Variants in REST observed in about 807,000 individuals in gnomAD.
The protein encoded by REST is RE1-silencing transcription factor.
A neutral mutation model predicts 30.4 loss-of-function variants in REST; 1 was observed. The observed-to-expected ratio is 0.03, with a 90% CI of 0.01 to 0.16. REST has a LOEUF of 0.16. REST is among the 10% of genes least tolerant of loss of function. REST has a pLI of 1.00. For synonymous variants in REST, 504 were observed against 451.1 expected (o/e 1.12, Z -1.49); for missense variants, 1,259 against 1,329.5 (o/e 0.95, Z 0.82).
rs374825536 is a variant in REST at position 56,931,611 on chromosome 4, A to G, written c.2753A>G (p.His918Arg). 4 of 1,614,258 alleles carry G rather than the reference A, an allele frequency of 2.5e-6. No homozygotes were observed. Among genetic ancestry groups the G allele is most frequent in the Non-Finnish European group, 3.4e-6 (4 of 1,180,040 alleles). Reference sequence around the variant, plus strand: ...GCTGCTAATATCAACGAATCTACCCATATTTCATCCTCTGGACAAAACTTG... The same window carrying G: ...GCTGCTAATATCAACGAATCTACCCGTATTTCATCCTCTGGACAAAACTTG... Reference protein sequence around the residue: ...GLAANINESTHISSSGQNLNT... With the variant: ...GLAANINESTRISSSGQNLNT... The change falls in exon 4 of 4, where the codon CAT becomes CGT. Residue 918 changes from histidine to arginine, a missense_variant. Around this residue, in one of 5 missense-constraint regions of REST, gnomAD observed 856 missense variants for 772.8 expected, o/e 1.11. Coordinates refer to ENST00000309042, the MANE Select transcript of REST (RefSeq NM_005612.5).
chr4:56,918,227 C>G lies in REST; in HGVS notation c.899-1560C>G, dbSNP rs568228778. On this transcript the variant is annotated intron_variant, in intron 2 of 3. Coordinates refer to ENST00000309042, the MANE Select transcript of REST (RefSeq NM_005612.5). Reference sequence around the variant, plus strand: ...TGATGACTGGTTGGGCATGGTGGCTCATGCCCGTAATCCCAGCACTTTGGG... The same window carrying G: ...TGATGACTGGTTGGGCATGGTGGCTGATGCCCGTAATCCCAGCACTTTGGG... Among the ~76,000 whole-genome samples, 3 of 150,772 alleles carry G rather than the reference C, an allele frequency of 2.0e-5. 1 individual carries two copies. The highest frequency in any genetic ancestry group is 7.5e-5 in the African/African-American group (3 of 40,244).
At chr4:56,917,908 C>T (rs1313341731) in intron 2 of REST, among the ~76,000 whole-genome samples, 11 of 151,834 alleles carry the variant, frequency 7.2e-5, no homozygotes, top group South Asian at 2.1e-4. Context: ...AAAAATTAGC[C>T]GGGCATGGTG....
rs759415989 is a variant in REST, at chr4:56,931,009, A to G, written c.2151A>G (p.Glu717=). ...CTCAGATGGAGGTTGCCCAGGTAGA[A>G]TCTGCTCCCATGCAGGTGGTCCAGA... The part of the protein sequence containing the change: ...EPAQMEVAQV[E]SAPMQVVQKE... Residue 717 remains glutamate (E), a synonymous_variant, in exon 4 of 4, where the codon GAA becomes GAG. Transcript: ENST00000309042. 1 of 1,614,030 alleles carries G rather than the reference A, an allele frequency of 6.2e-7. No homozygotes were observed. Among genetic ancestry groups the G allele is most frequent in the Non-Finnish European group, 8.5e-7 (1 of 1,179,996 alleles).
Position 56,922,896 on chromosome 4 carries a change from A to C in REST, c.982+3026A>C, listed in dbSNP as rs148497811. On this transcript the variant is annotated intron_variant, in intron 3 of 3. Transcript: ENST00000309042. Reference sequence around the variant, plus strand: ...TTTAAAGTCACGTGGTTGACCCATTAATATAATGTTAGGTCACTGCATTTA... The same window carrying C: ...TTTAAAGTCACGTGGTTGACCCATTCATATAATGTTAGGTCACTGCATTTA... Among the ~76,000 whole-genome samples the C allele has an allele frequency of 2.2e-3, 338 of 152,346 alleles. 3 individuals are homozygous for C. Among genetic ancestry groups the C allele is most frequent in the Non-Finnish European group, 4.1e-3 (278 of 68,026 alleles).
intron 2 of REST, among the ~76,000 whole-genome samples, chr4:56,912,935 C>T (rs557527181): frequency 7.5e-4 from 113 of 150,524 alleles, no homozygotes; most frequent in Admixed American, 1.5e-3. Context: ...GGTGGGCTAC[C>T]GCACCCAGCC....
chr4:56,932,100 G>A lies in REST; in HGVS notation c.3242G>A (p.Arg1081His). 6.2e-7 allele frequency: 1 copy of A among 1,614,182 alleles called. No homozygotes were observed. The highest frequency in any genetic ancestry group is 8.5e-7 in the Non-Finnish European group (1 of 1,180,028). ...KGKDYSKHLNRHLVNVYYLEE... is the reference protein window; with the variant it reads ...KGKDYSKHLNHHLVNVYYLEE... Reference sequence around the variant, plus strand: ...AAAGATTACAGCAAACACCTCAATCGCCATTTGGTTAATGTGTACTATCTT... The same window carrying A: ...AAAGATTACAGCAAACACCTCAATCACCATTTGGTTAATGTGTACTATCTT... Residue 1081 changes from arginine (R) to histidine (H), a missense_variant, in exon 4 of 4, where the codon CGC (arginine) becomes CAC (histidine). Physicochemically the swap from Arg to His is conservative, Grantham distance 29. Around this residue, in one of 5 missense-constraint regions of REST, gnomAD observed 25 missense variants for 33.2 expected, o/e 0.75. Transcript: ENST00000309042.
At chr4:56,908,721 CG>C (rs1421803147) in intron 1 of REST, among the ~76,000 whole-genome samples, 5 of 151,722 alleles carry the variant, frequency 3.3e-5, no homozygotes, top group Non-Finnish European at 7.4e-5. Flanking sequence ...GGGGCCCGGG[CG>C]GTTCCGCCTG....
chr4:56,928,879 C>T (rs753140674), intron 3 of REST, among the ~76,000 whole-genome samples: 17 of 151,512 alleles, frequency 1.1e-4, no homozygotes, highest in African/African-American at 3.4e-4. Context: ...TGTGAGCTAC[C>T]GCACCTGGCT....
In REST at chr4:56,931,633, C is replaced by T. The variant is rs1421189533; in HGVS notation, c.2775C>T (p.Asn925=). 2.5e-6 allele frequency: 4 copies of T among 1,614,114 alleles called. No homozygotes were observed. Among genetic ancestry groups the T allele is most frequent in the Non-Finnish European group, 3.4e-6 (4 of 1,180,056 alleles). ...CCCATATTTCATCCTCTGGACAAAA[C>T]TTGAATACGCCAGAGGGTGAAACTT... ...ESTHISSSGQ[N]LNTPEGETLN... Residue 925 remains asparagine, a synonymous_variant, in exon 4 of 4, where the codon AAC becomes AAT. Transcript: ENST00000309042.
rs1441819871 is a variant in REST at position 56,934,399 on chromosome 4, A to T, written c.*2247A>T. ...TTTTGGGGAATTGAGCTAACTTCTA[A>T]TCTAGTCTTAAGACTAGAATGCTAA... On this transcript the variant is annotated 3_prime_UTR_variant, in exon 4 of 4. Coordinates refer to ENST00000309042, the MANE Select transcript of REST (RefSeq NM_005612.5). 6.6e-6 allele frequency: 1 copy of T among 152,158 alleles called. No individual in the cohort carries two copies. Among genetic ancestry groups the T allele is most frequent in the East Asian group, 1.9e-4 (1 of 5,198 alleles). 9.4% of individuals were successfully genotyped at this position (152,158 alleles called of 1,614,324 possible).
At chr4:56,919,731 T>C in intron 2 of REST, 56 bp from the exon 3 acceptor site, 2 of 1,070,970 alleles carry the variant, frequency 1.9e-6, no homozygotes, top group Non-Finnish European at 2.8e-6. Context: ...TTAGTGAGAA[T>C]TGTATTTGGC....
At chr4:56,916,388 G>A (rs969335205) in intron 2 of REST, among the ~76,000 whole-genome samples, 2 of 152,168 alleles carry the variant, frequency 1.3e-5, no homozygotes, top group South Asian at 2.1e-4. Context: ...CAGGCTGGGC[G>A]AGATGGCTCA....
At position 56,911,136 on chromosome 4, in the gene REST, T is replaced by C. The variant is rs1719885670; in HGVS notation, c.498T>C (p.Tyr166=). The C allele has an allele frequency of 6.2e-7, 1 of 1,614,052 alleles. No homozygotes were observed. The highest frequency in any genetic ancestry group is 1.1e-5 in the South Asian group (1 of 91,084). The change falls in exon 2 of 4, where the codon TAT becomes TAC. Residue 166 remains tyrosine, a synonymous_variant. Coordinates refer to ENST00000309042, the MANE Select transcript of REST (RefSeq NM_005612.5). ...TKPFRCKPCQ[Y]EAESEEQFVH... is the part of the protein sequence containing the mutation. ...CCTTTCGCTGTAAGCCATGCCAATA[T>C]GAAGCAGAATCTGAAGAACAGTTTG...
intron 3 of REST, among the ~76,000 whole-genome samples, chr4:56,920,735 C>T (rs1015333187): frequency 5.3e-5 from 8 of 149,836 alleles, no homozygotes; most frequent in Middle Eastern, 3.4e-3. Context: ...GAGCGAAACT[C>T]TATCTTGAAA....
intron 3 of REST, among the ~76,000 whole-genome samples, chr4:56,922,661 G>A (rs1720509909): frequency 3.9e-5 from 6 of 152,118 alleles, no homozygotes. Flanking sequence ...AATATTTTAT[G>A]TTGCATGAGT....
chr4:56,924,420 C>G (rs1340923506), intron 3 of REST, among the ~76,000 whole-genome samples: 1 of 152,142 alleles, frequency 6.6e-6, no homozygotes, highest in East Asian at 1.9e-4. Flanking sequence ...CCTTTCCACC[C>G]AGTCTTTCCC....
intron 2 of REST, among the ~76,000 whole-genome samples, chr4:56,918,589 C>T (rs1171087670): frequency 2.0e-5 from 3 of 152,140 alleles, no homozygotes; most frequent in Admixed American, 6.5e-5. Flanking sequence ...GACAGGCTCT[C>T]TCTCTGTACT....
chr4:56,918,352 G>A (rs1720300481), intron 2 of REST, among the ~76,000 whole-genome samples: 1 of 151,818 alleles, frequency 6.6e-6, no homozygotes, highest in Non-Finnish European at 1.5e-5. Context: ...AAATTAGCTG[G>A]GCTTGGTGGC....
At chr4:56,920,004 A>C (rs1720374627) in intron 3 of REST, 134 bp downstream of exon 3, 2 of 429,406 alleles carry the variant, frequency 4.7e-6, no homozygotes, top group South Asian at 7.7e-5. Flanking sequence ...TTTAAAAATC[A>C]GTATTCCGTC....
Sources: allele counts gnomAD v4.1 joint callset (sites outside exome capture counted in the v4.1 genomes callset), GRCh38; gene constraint gnomAD v4.1.1; regional missense constraint gnomAD v4.1.1; transcripts MANE v1.5; gene names NCBI Gene and HGNC (gene_info 2026-07-23, HGNC 2026-07-21).